The following TBC1D10A variants were observed in gnomAD, a reference collection of about 807,000 sequenced individuals.
TBC1D10A encodes EBP50-PDX interactor of 64 kDa.
In TBC1D10A, 24 loss-of-function variants were observed where a neutral mutation model predicts 52.9. The observed-to-expected ratio is 0.45, with a 90% CI of 0.33 to 0.64. The LOEUF (loss-of-function observed/expected upper bound fraction) is 0.64, where lower values mean the gene tolerates loss of function less well. Ranked by LOEUF, TBC1D10A falls within the 30% of genes least tolerant of loss-of-function variation. The pLI is 0.02. For synonymous variants in TBC1D10A, 278 were observed against 282.9 expected, an observed-to-expected ratio of 0.98 and a Z score of 0.17; for missense variants, 602 against 687.9, an observed-to-expected ratio of 0.88 and a Z score of 1.40.
chr22:30,301,862 C>T lies in TBC1D10A; in HGVS notation c.310-2311G>A, dbSNP rs899805194. ...CTAGAAAGGAGGCAGAGGAAGGGGG[C>T]TGAAGGGAACTGCACTAGACGCAAG... On this transcript the variant is annotated intron_variant, in intron 2 of 8. Coordinates refer to ENST00000215790, the MANE Select transcript of TBC1D10A (RefSeq NM_031937.3). Among the ~76,000 whole-genome samples, 3 of 152,180 alleles carry T rather than the reference C, an allele frequency of 2.0e-5. No individual in the cohort carries two copies. The South Asian group carries it at 6.2e-4, about 32-fold the overall frequency.
At position 30,292,622 on chromosome 22, in the gene TBC1D10A, G is replaced by C. The variant is rs143775693; in HGVS notation, c.1280C>G (p.Pro427Arg). ...PLPGSKAKPK[P>R]PKQAQKEQRK... Reference sequence around the variant, plus strand: ...CTGCTCCTTCTGGGCCTGCTTGGGTGGCTTGGGCTTGGCTTTGGAGCCAGG... The same window carrying C: ...CTGCTCCTTCTGGGCCTGCTTGGGTCGCTTGGGCTTGGCTTTGGAGCCAGG... The change falls in exon 9 of 9, where the codon CCA (proline) becomes CGA (arginine). Residue 427 changes from proline (P) to arginine (R), a missense_variant. Pro to Arg is a moderately radical substitution (Grantham distance 103). This residue lies in a region of TBC1D10A where 265 missense variants were observed against 275.1 expected (regional missense o/e 0.96). Coordinates refer to ENST00000215790, the MANE Select transcript of TBC1D10A (RefSeq NM_031937.3). 623 of 1,613,336 alleles carry C rather than the reference G, an allele frequency of 3.9e-4. 3 individuals are homozygous for C. The East Asian group carries it at 0.011, about 30-fold the overall frequency.
At chr22:30,304,905 G>C (rs539077736) in intron 1 of TBC1D10A, among the ~76,000 whole-genome samples, 10 of 152,378 alleles carry the variant, frequency 6.6e-5, no homozygotes, top group Non-Finnish European at 1.0e-4. Context: ...CTCTGAGGCA[G>C]AGGCTGAGTG....
intron 1 of TBC1D10A, among the ~76,000 whole-genome samples, chr22:30,310,735 A>G (rs1475429992): frequency 1.3e-5 from 2 of 152,196 alleles, no homozygotes; most frequent in Admixed American, 6.5e-5. Flanking sequence ...AGACAAGAAC[A>G]CTAAGATTCA....
chr22:30,294,509 A>C (rs1012242397), intron 6 of TBC1D10A, among the ~76,000 whole-genome samples: 6 of 152,200 alleles, frequency 3.9e-5, no homozygotes, highest in Admixed American at 1.3e-4. Context: ...AGCAGATTTT[A>C]GCCTAGGACA....
At chr22:30,292,994 C>A (rs1478696298) in intron 8 of TBC1D10A, 143 bp from the exon 9 acceptor site, 2 of 929,502 alleles carry the variant, frequency 2.2e-6, no homozygotes. Flanking sequence ...AGGGTCTAGT[C>A]CCAAGCTGCA....
intron 1 of TBC1D10A, among the ~76,000 whole-genome samples, chr22:30,309,497 G>A (rs1410140447): frequency 6.6e-6 from 1 of 152,136 alleles, no homozygotes; most frequent in African/African-American, 2.4e-5. Flanking sequence ...GTGCTGGGAT[G>A]ACAGGCATGA....
At chr22:30,322,758 A>G (rs1322141552) in intron 1 of TBC1D10A, among the ~76,000 whole-genome samples, 4 of 149,060 alleles carry the variant, frequency 2.7e-5, no homozygotes, top group African/African-American at 9.9e-5. Context: ...ACCACACCCA[A>G]CTAATTTTTG....
chr22:30,326,419 C>A (rs1417245300), intron 1 of TBC1D10A, among the ~76,000 whole-genome samples: 1 of 148,898 alleles, frequency 6.7e-6, no homozygotes, highest in South Asian at 2.2e-4. Flanking sequence ...TTCCTGGGAG[C>A]GGGTCAGTCT....
chr22:30,326,911 CG>C lies in TBC1D10A; in HGVS notation c.-31del. 1.4e-6 allele frequency: 2 copies of C among 1,444,242 alleles called. No homozygotes were observed. The allele number at this position is 1,444,242 out of a possible 1,614,324, so 89.5% of individuals were successfully genotyped here. A position where few individuals can be genotyped will look rare whatever the true frequency, so the allele number is the denominator to read the frequency against. The stretch of plus-strand genomic sequence containing the variant: ...GCCGCGCCCGCCGCCTGAGCTCCAG[CG>C]GCCACCTCAGCCGCCCTGCTGCCGC... On this transcript the variant is annotated 5_prime_UTR_variant, in exon 1 of 9. Transcript: ENST00000215790.
At chr22:30,312,217 G>C (rs1930440176) in intron 1 of TBC1D10A, among the ~76,000 whole-genome samples, 1 of 152,130 alleles carries the variant, frequency 6.6e-6, no homozygotes, top group Non-Finnish European at 1.5e-5. Flanking sequence ...AGGCACCCAG[G>C]GGCCACCCTG....
rs146725573 is a variant in TBC1D10A at position 30,292,489 on chromosome 22, C to T, written c.1413G>A (p.Pro471=). 293 of 1,607,488 alleles carry T rather than the reference C, an allele frequency of 1.8e-4. 1 individual carries two copies. In the African/African-American group the frequency reaches 3.0e-3, roughly 16 times the overall value. The change falls in exon 9 of 9, where the codon CCG becomes CCA. Residue 471 remains proline, a synonymous_variant. Coordinates refer to ENST00000215790, the MANE Select transcript of TBC1D10A (RefSeq NM_031937.3). ...CTGAGTCCTTGGGGGCTGAGTCCTT[C>T]GGGGGCACATGCTGTGGGGGACATG... The part of the protein sequence containing the change: ...GDACPPQHVP[P]KDSAPKDSAP...
At chr22:30,295,550 A>T (rs1394790338) in intron 4 of TBC1D10A, among the ~76,000 whole-genome samples, 187 bp downstream of exon 4, 1 of 152,220 alleles carries the variant, frequency 6.6e-6, no homozygotes, top group Non-Finnish European at 1.5e-5. Flanking sequence ...GTCAATGAGG[A>T]AAGCCCCCCC....
chr22:30,324,442 G>A (rs948781019), intron 1 of TBC1D10A, among the ~76,000 whole-genome samples: 1 of 152,182 alleles, frequency 6.6e-6, no homozygotes, highest in Non-Finnish European at 1.5e-5. Flanking sequence ...CTGGAGCTGG[G>A]ATCCCACCTC....
At chr22:30,326,490 A>G in intron 1 of TBC1D10A, among the ~76,000 whole-genome samples, 183 bp downstream of exon 1, 1 of 110,156 alleles carries the variant, frequency 9.1e-6, no homozygotes, top group Non-Finnish European at 1.8e-5. Context: ...GGTCGGAAGT[A>G]GGACTGCGAA....
In TBC1D10A at chr22:30,304,618, T is replaced by C; in HGVS notation, c.222A>G (p.Val74=). The C allele has an allele frequency of 6.2e-7, 1 of 1,613,764 alleles. No homozygotes were observed. The highest frequency in any genetic ancestry group is 1.1e-5 in the South Asian group (1 of 91,054). ...SQGAEGALEE[V]PLEVLRQRES... is the part of the protein sequence containing the mutation. ...CCCTCTGCCTCAGCACCTCCAGGGGTACTTCCTCCAGCCTGTGGAGCAGAG... is the reference window on the plus strand; with the variant it reads ...CCCTCTGCCTCAGCACCTCCAGGGGCACTTCCTCCAGCCTGTGGAGCAGAG... The change falls in exon 2 of 9, where the codon GTA becomes GTG. Residue 74 remains valine, a synonymous_variant. Coordinates refer to ENST00000215790, the MANE Select transcript of TBC1D10A (RefSeq NM_031937.3).
rs117967229 is a variant in TBC1D10A at position 30,316,786 on chromosome 22, G to A, written c.209+9887C>T. Among the ~76,000 whole-genome samples, 333 of 152,042 alleles carry A rather than the reference G, an allele frequency of 2.2e-3. 4 individuals carry two copies. In the East Asian group the frequency reaches 0.033, roughly 15 times the overall value. On this transcript the variant is annotated intron_variant, in intron 1 of 8. Coordinates refer to ENST00000215790, the MANE Select transcript of TBC1D10A (RefSeq NM_031937.3). The stretch of plus-strand genomic sequence containing the variant: ...TGGCACAGTGGCTCATGCCTATAAC[G>A]TAAGCACTTTGGGAGGCTGAGGAGG...
At chr22:30,325,582 G>A (rs1016980768) in intron 1 of TBC1D10A, among the ~76,000 whole-genome samples, 7 of 152,076 alleles carry the variant, frequency 4.6e-5, no homozygotes, top group Non-Finnish European at 1.0e-4. Flanking sequence ...ATGGGAGTGG[G>A]GTATGGAGTC....
At chr22:30,312,058 G>A (rs946668117) in intron 1 of TBC1D10A, among the ~76,000 whole-genome samples, 1 of 152,188 alleles carries the variant, frequency 6.6e-6, no homozygotes, top group Non-Finnish European at 1.5e-5. Context: ...CTCCCAAAGT[G>A]TTAGGATTAC....
chr22:30,296,142 T>A, intron 3 of TBC1D10A: 1 of 351,844 alleles, frequency 2.8e-6, no homozygotes, highest in East Asian at 6.7e-5. Flanking sequence ...GACATTTCAT[T>A]CGGGAGTCAG....
Sources: gnomAD v4.1 joint callset for allele counts (sites outside exome capture counted in the v4.1 genomes callset) on GRCh38, gnomAD v4.1.1 for gene constraint, gnomAD v4.1.1 regional missense constraint, MANE v1.5 for transcripts, NCBI Gene and HGNC (gene_info 2026-07-23, HGNC 2026-07-21) for gene names.